Variants in CMTM7 observed in about 807,000 individuals in gnomAD.
CMTM7 encodes the protein CKLF-like MARVEL transmembrane domain-containing protein 7.
CMTM7 carries 7 observed loss-of-function variants against 19.3 expected under a neutral mutation model. That is an observed-to-expected ratio of 0.36 (90% CI 0.21 to 0.68). The LOEUF (loss-of-function observed/expected upper bound fraction) is 0.68. CMTM7 is among the 30% of genes least tolerant of loss of function. The pLI is 0.60. For synonymous variants in CMTM7, 87 were observed against 99.3 expected, an observed-to-expected ratio of 0.88 and a Z score of 0.74; for missense variants, 193 against 232.6, an observed-to-expected ratio of 0.83 and a Z score of 1.11.
Position 32,455,239 on chromosome 3 carries a change from G to A in CMTM7, c.*985G>A, listed in dbSNP as rs1252136913. 1.3e-5 allele frequency: 2 copies of A among 152,266 alleles called. No individual in the cohort carries two copies. The highest frequency in any genetic ancestry group is 6.5e-5 in the Admixed American group (1 of 15,276). The allele number at this position is 152,266 out of a possible 1,614,324, so 9.4% of individuals were successfully genotyped here. Reference sequence around the variant, plus strand: ...AATGTTTGAGCAACCCCGTGTGCAAGGACCTACATTCACAACCACATCTAA... The same window carrying A: ...AATGTTTGAGCAACCCCGTGTGCAAAGACCTACATTCACAACCACATCTAA... On this transcript the variant is annotated 3_prime_UTR_variant, in exon 5 of 5. Transcript: ENST00000334983.
At chr3:32,433,936 C>A (rs543985596) in intron 1 of CMTM7, among the ~76,000 whole-genome samples, 2 of 152,118 alleles carry the variant, frequency 1.3e-5, no homozygotes, top group South Asian at 4.2e-4. Flanking sequence ...ACCTATAATT[C>A]CAGCATTTTG....
intron 1 of CMTM7, among the ~76,000 whole-genome samples, chr3:32,401,661 C>T (rs1230028990): frequency 1.3e-5 from 2 of 152,260 alleles, no homozygotes; most frequent in South Asian, 2.1e-4. Context: ...CCATCTGCCT[C>T]GCGCCGGGCC....
intron 1 of CMTM7, among the ~76,000 whole-genome samples, chr3:32,430,394 C>A (rs115514341): frequency 6.6e-6 from 1 of 152,242 alleles, no homozygotes; most frequent in South Asian, 2.1e-4. Flanking sequence ...CAGGGCTGCT[C>A]CCTATTACAA....
At chr3:32,420,821 G>C (rs1333432546) in intron 1 of CMTM7, among the ~76,000 whole-genome samples, 1 of 152,222 alleles carries the variant, frequency 6.6e-6, no homozygotes, top group East Asian at 1.9e-4. Flanking sequence ...ATGGCCTGCA[G>C]AAGTGGCAAG....
chr3:32,412,691 T>G (rs1252963927), intron 1 of CMTM7, among the ~76,000 whole-genome samples: 1 of 152,134 alleles, frequency 6.6e-6, no homozygotes, highest in African/African-American at 2.4e-5. Flanking sequence ...CTGAAAGTTA[T>G]TTGAAACAAC....
At chr3:32,409,179 G>C (rs1449046170) in intron 1 of CMTM7, among the ~76,000 whole-genome samples, 1 of 152,142 alleles carries the variant, frequency 6.6e-6, no homozygotes, top group African/African-American at 2.4e-5. Flanking sequence ...CTGTGCCTGG[G>C]CCGTAACTTT....
chr3:32,420,593 G>A (rs552404887), intron 1 of CMTM7, among the ~76,000 whole-genome samples: 1 of 152,334 alleles, frequency 6.6e-6, no homozygotes, highest in Admixed American at 6.5e-5. Context: ...CAATGATCAT[G>A]CCTTTGAACT....
chr3:32,432,386 C>T (rs1188176270), intron 1 of CMTM7, among the ~76,000 whole-genome samples: 4 of 152,222 alleles, frequency 2.6e-5, no homozygotes, highest in African/African-American at 9.7e-5. Flanking sequence ...TCCCATGGCC[C>T]TGACCCCCAG....
At chr3:32,438,232 G>A (rs1273315590) in intron 1 of CMTM7, among the ~76,000 whole-genome samples, 2 of 152,260 alleles carry the variant, frequency 1.3e-5, no homozygotes, top group Non-Finnish European at 2.9e-5. Flanking sequence ...ACACCCCAGC[G>A]CCTTTTCCCC....
At position 32,451,872 on chromosome 3, in the gene CMTM7, G is replaced by A. The variant is rs1000207394; in HGVS notation, c.433-520G>A. On this transcript the variant is annotated intron_variant, in intron 3 of 4. Transcript: ENST00000334983. ...CCTTGACTTAGTTGAGTCTAATATT[G>A]TTTAATATGTACAAACGTAAACCTA... 4 of 371,248 alleles carry A rather than the reference G, an allele frequency of 1.1e-5. No homozygotes were observed. In the East Asian group the frequency reaches 2.9e-4, roughly 27 times the overall value. The allele number at this position is 371,248 out of a possible 1,614,324, so 23.0% of individuals were successfully genotyped here.
intron 1 of CMTM7, among the ~76,000 whole-genome samples, chr3:32,428,555 G>A (rs1413394343): frequency 2.6e-5 from 4 of 152,220 alleles, no homozygotes; most frequent in Non-Finnish European, 4.4e-5. Context: ...GTTGTGGGGC[G>A]GCTTCCCTGT....
chr3:32,407,596 C>G (rs11921000), intron 1 of CMTM7, among the ~76,000 whole-genome samples: 3 of 152,200 alleles, frequency 2.0e-5, no homozygotes, highest in East Asian at 1.9e-4. Flanking sequence ...CTGTTTTCAC[C>G]TGGGAAAGGT....
At chr3:32,408,604 G>A (rs921597112) in intron 1 of CMTM7, among the ~76,000 whole-genome samples, 4 of 152,182 alleles carry the variant, frequency 2.6e-5, no homozygotes, top group Non-Finnish European at 5.9e-5. Context: ...ATGGCAGGGT[G>A]GGGGCAAAAG....
Position 32,441,911 on chromosome 3 carries a change from T to C in CMTM7, c.231T>C (p.Phe77=), listed in dbSNP as rs745984521. The stretch of plus-strand genomic sequence containing the variant: ...CCAACTACAGCGCCTACAGCTACTT[T>C]GAAGTGGTCACCATTTGCGACTTGA... ...LWTNYSAYSY[F]EVVTICDLIM... Residue 77 remains phenylalanine (F), a synonymous_variant, in exon 2 of 5, where the codon TTT becomes TTC. Transcript: ENST00000334983. The C allele has an allele frequency of 1.1e-5, 18 of 1,614,088 alleles. No homozygotes were observed. In the South Asian group the frequency reaches 1.8e-4, roughly 16 times the overall value.
At chr3:32,415,922 C>G (rs983981282) in intron 1 of CMTM7, among the ~76,000 whole-genome samples, 2 of 152,138 alleles carry the variant, frequency 1.3e-5, no homozygotes, top group Non-Finnish European at 2.9e-5. Flanking sequence ...GGTCTTTGTC[C>G]AAGGTTTCTC....
intron 1 of CMTM7, among the ~76,000 whole-genome samples, chr3:32,435,766 G>T (rs1696588858): frequency 6.6e-6 from 1 of 152,180 alleles, no homozygotes; most frequent in Non-Finnish European, 1.5e-5. Context: ...CCATACTGGG[G>T]AATACTATAT....
intron 1 of CMTM7, among the ~76,000 whole-genome samples, chr3:32,403,859 A>G (rs374129507): frequency 6.6e-6 from 1 of 152,192 alleles, no homozygotes; most frequent in African/African-American, 2.4e-5. Context: ...AGGAGGTGCT[A>G]TGAGACATAA....
At chr3:32,452,238 G>T in intron 3 of CMTM7, 154 bp from the exon 4 acceptor site, 1 of 1,535,444 alleles carries the variant, frequency 6.5e-7, no homozygotes, top group East Asian at 2.4e-5. Flanking sequence ...CTCTGCACCT[G>T]ATCCAGGATG....
At chr3:32,419,105 A>G (rs1696307647) in intron 1 of CMTM7, among the ~76,000 whole-genome samples, 1 of 152,246 alleles carries the variant, frequency 6.6e-6, no homozygotes, top group Non-Finnish European at 1.5e-5. Context: ...TTGTAAAGTT[A>G]GATTTATACC....
Sources: allele counts gnomAD v4.1 joint callset (sites outside exome capture counted in the v4.1 genomes callset), GRCh38; gene constraint gnomAD v4.1.1; transcripts MANE v1.5; gene names NCBI Gene and HGNC (gene_info 2026-07-23, HGNC 2026-07-21).